Variants in EYS observed in about 807,000 individuals in gnomAD.
EYS encodes EGF-like photoreceptor maintenance factor, also known as protein eyes shut homolog.
In EYS, 250 loss-of-function variants were observed where a neutral mutation model predicts 282.1. That is an observed-to-expected ratio of 0.89 (90% CI 0.80 to 0.98). The LOEUF (loss-of-function observed/expected upper bound fraction) is 0.98, where lower values mean the gene tolerates loss of function less well. Ranked by LOEUF, EYS falls within the 50% of genes least tolerant of loss-of-function variation. The probability of loss-of-function intolerance (pLI) is 0.00; values close to 1 mark genes in which losing one functional copy is unlikely to be tolerated. For missense variants in EYS, 4,016 were observed against 3,709.0 expected, an observed-to-expected ratio of 1.08 and a Z score of -2.15; for synonymous variants, 1,355 against 1,282.9, an observed-to-expected ratio of 1.06 and a Z score of -1.20.
intron 12 of EYS, among the ~76,000 whole-genome samples, chr6:65,237,764 T>C (rs1766963788): frequency 2.0e-5 from 3 of 152,160 alleles, no homozygotes; most frequent in Admixed American, 1.3e-4. Flanking sequence ...ATTGCTAACA[T>C]TGAAATACTG....
At chr6:65,515,342 G>C (rs1767082582) in intron 2 of EYS, among the ~76,000 whole-genome samples, 1 of 152,042 alleles carries the variant, frequency 6.6e-6, no homozygotes, top group Non-Finnish European at 1.5e-5. Context: ...CACTGTTGGT[G>C]GGACTGTAAA....
chr6:65,629,292 T>C (rs1174809887), intron 2 of EYS, among the ~76,000 whole-genome samples: 1 of 152,176 alleles, frequency 6.6e-6, no homozygotes, highest in Non-Finnish European at 1.5e-5. Flanking sequence ...GACTTGAATC[T>C]TTAAGGGGGT....
chr6:64,027,009 G>C (rs986980235), intron 33 of EYS, among the ~76,000 whole-genome samples: 5 of 152,154 alleles, frequency 3.3e-5, no homozygotes, highest in Admixed American at 1.3e-4. Context: ...TAGATCAAAC[G>C]CTGGCCTTTA....
intron 22 of EYS, among the ~76,000 whole-genome samples, chr6:64,630,767 T>A (rs1767752889): frequency 6.6e-6 from 1 of 152,204 alleles, no homozygotes; most frequent in South Asian, 2.1e-4. Flanking sequence ...GGTTATGTGA[T>A]GTTTACATTC....
At chr6:65,494,210 A>G (rs925775738) in intron 4 of EYS, among the ~76,000 whole-genome samples, 1 of 151,976 alleles carries the variant, frequency 6.6e-6, no homozygotes, top group Non-Finnish European at 1.5e-5. Flanking sequence ...TCCAGAATCT[A>G]TATCCAGCCA....
At chr6:65,010,864 A>G (rs1022495901) in intron 13 of EYS, among the ~76,000 whole-genome samples, 2 of 152,184 alleles carry the variant, frequency 1.3e-5, no homozygotes, top group African/African-American at 4.8e-5. Flanking sequence ...CCATTAGGAG[A>G]TTATTATTGG....
intron 26 of EYS, among the ~76,000 whole-genome samples, chr6:64,512,132 C>T (rs1373349034): frequency 2.6e-5 from 4 of 151,960 alleles, no homozygotes; most frequent in African/African-American, 9.7e-5. Flanking sequence ...CATATATACA[C>T]ACATATACAC....
chr6:64,746,906 T>C (rs1192102537), intron 22 of EYS, among the ~76,000 whole-genome samples: 1 of 152,238 alleles, frequency 6.6e-6, no homozygotes, highest in Admixed American at 6.5e-5. Flanking sequence ...TTGCTATGGC[T>C]GATTAATTCT....
chr6:64,823,661 C>T (rs150445726), intron 19 of EYS, among the ~76,000 whole-genome samples: 2 of 152,058 alleles, frequency 1.3e-5, no homozygotes, highest in East Asian at 1.9e-4. Context: ...AGCTAATGCT[C>T]ATCAAACCGA....
intron 12 of EYS, among the ~76,000 whole-genome samples, chr6:65,265,984 C>A (rs537172633): frequency 1.3e-5 from 2 of 151,708 alleles, no homozygotes; most frequent in East Asian, 3.9e-4. Context: ...TCATCTATTT[C>A]TTTAGGCCAT....
At chr6:65,034,832 G>A (rs1772716639) in intron 13 of EYS, among the ~76,000 whole-genome samples, 1 of 152,018 alleles carries the variant, frequency 6.6e-6, no homozygotes, top group South Asian at 2.1e-4. Flanking sequence ...AAAAATTTGA[G>A]GAGAAAGGAC....
intron 14 of EYS, among the ~76,000 whole-genome samples, chr6:64,961,397 A>G (rs1769910944): frequency 6.6e-6 from 1 of 152,094 alleles, no homozygotes; most frequent in Admixed American, 6.6e-5. Context: ...TCCTATTATG[A>G]TCATCTAACT....
intron 33 of EYS, among the ~76,000 whole-genome samples, chr6:64,019,059 G>C (rs1333114996): frequency 6.6e-6 from 1 of 152,128 alleles, no homozygotes; most frequent in Admixed American, 6.5e-5. Context: ...ACAGGTGTGA[G>C]CCACCATGCC....
intron 35 of EYS, among the ~76,000 whole-genome samples, chr6:63,885,795 C>T (rs1562078818): frequency 6.6e-6 from 1 of 152,070 alleles, no homozygotes; most frequent in South Asian, 2.1e-4. Flanking sequence ...AAGAACTTGA[C>T]CCAATTCGGG....
chr6:64,926,148 A>G (rs1768510368), intron 15 of EYS, among the ~76,000 whole-genome samples: 1 of 152,046 alleles, frequency 6.6e-6, no homozygotes, highest in Non-Finnish European at 1.5e-5. Flanking sequence ...AGGCCACAAA[A>G]CTTTCTGCTG....
intron 11 of EYS, among the ~76,000 whole-genome samples, chr6:65,297,181 A>T (rs1007466278): frequency 1.3e-5 from 2 of 151,670 alleles, no homozygotes; most frequent in Non-Finnish European, 3.0e-5. Flanking sequence ...ATACATACAT[A>T]ATTGAAAAAG....
At position 64,477,504 on chromosome 6, in the gene EYS, T is replaced by G. The variant is rs552006411; in HGVS notation, c.5645-38152A>C. On this transcript the variant is annotated intron_variant, in intron 26 of 42. Coordinates refer to ENST00000503581, the MANE Select transcript of EYS (RefSeq NM_001142800.2). ...CTGCCTCATCCTGTCTGACGTCTGATGTATAAATGGAATTGGAAGTATGCT... is the reference window on the plus strand; with the variant it reads ...CTGCCTCATCCTGTCTGACGTCTGAGGTATAAATGGAATTGGAAGTATGCT... Among the ~76,000 whole-genome samples, 150 of 152,252 alleles carry G rather than the reference T, an allele frequency of 9.9e-4. 1 individual carries two copies. Among genetic ancestry groups the G allele is most frequent in the Non-Finnish European group, 1.2e-3 (81 of 68,018 alleles).
intron 12 of EYS, among the ~76,000 whole-genome samples, chr6:65,246,052 A>T (rs1325233324): frequency 6.6e-6 from 1 of 152,084 alleles, no homozygotes; most frequent in Non-Finnish European, 1.5e-5. Context: ...GGGCAATCAA[A>T]TGCAAAATAG....
chr6:64,180,036 T>C (rs1764744829), intron 31 of EYS, among the ~76,000 whole-genome samples: 1 of 152,112 alleles, frequency 6.6e-6, no homozygotes, highest in South Asian at 2.1e-4. Flanking sequence ...ATAAAAGTAT[T>C]GGATAAAGTA....
Sources: allele counts gnomAD v4.1 joint callset (sites outside exome capture counted in the v4.1 genomes callset), GRCh38; gene constraint gnomAD v4.1.1; transcripts MANE v1.5; gene names NCBI Gene and HGNC (gene_info 2026-07-23, HGNC 2026-07-21).